DGKQ: variants seen among roughly 807,000 people sequenced by gnomAD.
DGKQ encodes diacylglycerol kinase theta.
In DGKQ, 97 loss-of-function variants were observed where a neutral mutation model predicts 104.2. The ratio of observed to expected loss-of-function variants is 0.93; its 90% CI spans 0.79 to 1.10. DGKQ has a LOEUF of 1.10. DGKQ is among the 50% of genes least tolerant of loss of function. The pLI is 0.00. For missense variants in DGKQ, 1,465 were observed against 1,352.1 expected, an observed-to-expected ratio of 1.08 and a Z score of -1.31; for synonymous variants, 736 against 595.2, an observed-to-expected ratio of 1.24 and a Z score of -3.44.
intron 10 of DGKQ, 57 bp from the exon 11 acceptor site, chr4:966,859 C>G: frequency 6.4e-7 from 1 of 1,574,662 alleles, no homozygotes. Context: ...CTCAGGACAC[C>G]CGCGGGGACA....
Position 966,493 on chromosome 4 carries a change from C to G in DGKQ, c.1401G>C (p.Leu467=). The G allele has an allele frequency of 6.2e-7, 1 of 1,612,626 alleles. No individual in the cohort carries two copies. The highest frequency in any genetic ancestry group is 1.1e-5 in the South Asian group (1 of 91,082). The change falls in exon 12 of 23, where the codon CTG becomes CTC. Residue 467 remains leucine, a synonymous_variant. Coordinates refer to ENST00000273814, the MANE Select transcript of DGKQ (RefSeq NM_001347.4). ...GCCGGATGTCCTGTAGCCGGTCCAG[C>G]AGGGGCTGTTCGTCCATCAGCATCG... ...QRTMLMDEQP[L]LDRLQDIRQM... is the part of the protein sequence containing the mutation.
chr4:962,593 G>A lies in DGKQ; in HGVS notation c.2056C>T (p.Leu686Phe), dbSNP rs1362147651. ...LGTGNDLGRV[L>F]RWGAGYSGED... Reference sequence around the variant, plus strand: ...CCGCTGTAGCCCGCCCCCCAGCGGAGGACTCGACCAAGGTCATTCCCTGGG... The same window carrying A: ...CCGCTGTAGCCCGCCCCCCAGCGGAAGACTCGACCAAGGTCATTCCCTGGG... Residue 686 changes from leucine to phenylalanine, a missense_variant, in exon 18 of 23, where the codon CTC (leucine) becomes TTC (phenylalanine). Transcript: ENST00000273814. 7 of 1,608,574 alleles carry A rather than the reference G, an allele frequency of 4.4e-6. No homozygotes were observed. Among genetic ancestry groups the A allele is most frequent in the South Asian group, 1.1e-5 (1 of 91,066 alleles).
Position 966,509 on chromosome 4 carries a change from A to C in DGKQ, c.1385T>G (p.Met462Arg). 1 of 1,612,502 alleles carries C rather than the reference A, an allele frequency of 6.2e-7. No homozygotes were observed. The highest frequency in any genetic ancestry group is 1.3e-5 in the African/African-American group (1 of 75,052). ...GCRHVQRTML[M>R]DEQPLLDRLQ... is the part of the protein sequence containing the mutation. ...CCGGTCCAGCAGGGGCTGTTCGTCC[A>C]TCAGCATCGTCCGCTGGACTGCAGA... The change falls in exon 12 of 23, where the codon ATG (methionine) becomes AGG (arginine). Residue 462 changes from methionine (M) to arginine (R), a missense_variant. By Grantham distance (91) the Met-to-Arg change is moderately conservative. Coordinates refer to ENST00000273814, the MANE Select transcript of DGKQ (RefSeq NM_001347.4).
chr4:966,303 T>A, intron 12 of DGKQ, 163 bp downstream of exon 12: 1 of 875,858 alleles, frequency 1.1e-6, no homozygotes. Flanking sequence ...GAGGCCTCCC[T>A]GCAGGGACCA....
rs1298355941 is a variant in DGKQ at position 973,325 on chromosome 4, G to A, written c.158C>T (p.Pro53Leu). 4.9e-6 allele frequency: 7 copies of A among 1,442,076 alleles called. No individual in the cohort carries two copies. Among genetic ancestry groups the A allele is most frequent in the East Asian group, 3.1e-5 (1 of 32,224 alleles). The allele number at this position is 1,442,076 out of a possible 1,614,324, so 89.3% of individuals were successfully genotyped here. The change falls in exon 1 of 23, where the codon CCG becomes CTG. Residue 53 changes from proline (P) to leucine (L), a missense_variant. Physicochemically the swap from Pro to Leu is moderately conservative, Grantham distance 98. Coordinates refer to ENST00000273814, the MANE Select transcript of DGKQ (RefSeq NM_001347.4). ...GTGTCCCGGCGCGGCAGCGGGGCCC[G>A]GGGCTCTGACGCCCGCCCGCTCGGG... ...PGPERAGVRA[P>L]GPAAAPGHSF...
Position 967,212 on chromosome 4 carries a change from G to A in DGKQ, c.1137C>T (p.Ser379=), listed in dbSNP as rs372658657. The A allele has an allele frequency of 1.1e-5, 17 of 1,584,658 alleles. No individual in the cohort carries two copies. Among genetic ancestry groups the A allele is most frequent in the Middle Eastern group, 3.3e-4 (2 of 6,038 alleles). The change falls in exon 9 of 23, where the codon TCC becomes TCT. Residue 379 remains serine, a synonymous_variant. Transcript: ENST00000273814. ...VISEEGRSPG[S]GEATPEAWVI... is the part of the protein sequence containing the mutation. Reference sequence around the variant, plus strand: ...CCCAGGCCTCTGGCGTGGCCTCGCCGGACCCGGGGCTTCTGCCCTCCTCCG... The same window carrying A: ...CCCAGGCCTCTGGCGTGGCCTCGCCAGACCCGGGGCTTCTGCCCTCCTCCG...
chr4:961,662 C>T, intron 20 of DGKQ, 26 bp downstream of exon 20: 2 of 1,611,918 alleles, frequency 1.2e-6, no homozygotes, highest in East Asian at 2.2e-5. Context: ...CGGGCAGAGC[C>T]TCTGGGGAGC....
Position 960,454 on chromosome 4 carries a change from A to C in DGKQ, c.*166T>G. ...ACCAACATGTGTCACCAATGGGATG[A>C]GGGCGGGTCCCGCTCCGTCACTGGG... On this transcript the variant is annotated 3_prime_UTR_variant, in exon 23 of 23. Transcript: ENST00000273814. 1.6e-6 allele frequency: 1 copy of C among 626,360 alleles called. No homozygotes were observed. Among genetic ancestry groups the C allele is most frequent in the Non-Finnish European group, 2.8e-6 (1 of 352,348 alleles). 38.8% of individuals were successfully genotyped at this position (626,360 alleles called of 1,614,324 possible).
chr4:966,861 G>T, intron 10 of DGKQ, 59 bp from the exon 11 acceptor site: 7 of 1,571,380 alleles, frequency 4.5e-6, no homozygotes, highest in East Asian at 2.3e-5. Context: ...CAGGACACCC[G>T]CGGGGACAGC....
chr4:961,604 A>G (rs941946400), intron 20 of DGKQ, 26 bp from the exon 21 acceptor site: 1 of 1,609,898 alleles, frequency 6.2e-7, no homozygotes, highest in African/African-American at 1.3e-5. Flanking sequence ...GCGGGCACAG[A>G]GGTGTAGGTG....
chr4:964,545 C>T (rs1009414811), intron 15 of DGKQ, among the ~76,000 whole-genome samples: 2 of 152,110 alleles, frequency 1.3e-5, no homozygotes, highest in African/African-American at 4.8e-5. Context: ...CCCCCCGGCC[C>T]TGCCCTGTCT....
At chr4:966,225 C>T in intron 12 of DGKQ, 147 bp from the exon 13 acceptor site, 1 of 959,546 alleles carries the variant, frequency 1.0e-6, no homozygotes, top group Non-Finnish European at 1.5e-6. Context: ...AAAGGGGCCA[C>T]AGAGGCTTCC....
rs1560510109 is a variant in DGKQ at position 961,192 on chromosome 4, G to GGACC, written c.2580_2583dup (p.Gln862GlyfsTer49). ...CGGATTCCGGAGCGCAGCCCACCCTGGACCTGGCCCTGGGGCGGGAGAGGC... is the reference window on the plus strand; with the variant it reads ...CGGATTCCGGAGCGCAGCCCACCCTGGACCGACCTGGCCCTGGGGCGGGAGAGGC... On this transcript the variant is annotated frameshift_variant, in exon 22 of 23. Coordinates refer to ENST00000273814, the MANE Select transcript of DGKQ (RefSeq NM_001347.4). LOFTEE classifies it high-confidence loss of function. 1 of 1,565,434 alleles carries GGACC rather than the reference G, an allele frequency of 6.4e-7. No homozygotes were observed. Among genetic ancestry groups the GGACC allele is most frequent in the Non-Finnish European group, 8.6e-7 (1 of 1,156,682 alleles).
Position 961,643 on chromosome 4 carries a change from T to A in DGKQ, c.2462+45A>T, listed in dbSNP as rs536990722. 8.7e-6 allele frequency: 14 copies of A among 1,610,838 alleles called. No homozygotes were observed. The East Asian group carries it at 2.7e-4, about 31-fold the overall frequency. On this transcript the variant is annotated intron_variant, in intron 20 of 22. Coordinates refer to ENST00000273814, the MANE Select transcript of DGKQ (RefSeq NM_001347.4). ...GCAGGACGAGGGCTGAGCCTGCCCA[T>A]GGCCCCGCCGGGCAGAGCCTCTGGG... is the stretch of plus-strand genomic sequence containing the variant.
intron 14 of DGKQ, 71 bp downstream of exon 14, chr4:965,420 C>A: frequency 6.4e-7 from 1 of 1,562,164 alleles, no homozygotes; most frequent in Non-Finnish European, 8.7e-7. Flanking sequence ...TACGTGAGGG[C>A]CAGGGCTGTC....
intron 21 of DGKQ, 115 bp from the exon 22 acceptor site, chr4:961,316 T>C: frequency 2.4e-6 from 3 of 1,251,642 alleles, no homozygotes; most frequent in Non-Finnish European, 2.1e-6. Flanking sequence ...ACCCTGGACC[T>C]GGCCCTGGGG....
At position 967,668 on chromosome 4, in the gene DGKQ, G is replaced by C. The variant is rs1018247402; in HGVS notation, c.887-19C>G. 1.2e-6 allele frequency: 2 copies of C among 1,612,396 alleles called. No individual in the cohort carries two copies. Among genetic ancestry groups the C allele is most frequent in the Non-Finnish European group, 1.7e-6 (2 of 1,179,760 alleles). On this transcript the variant is annotated intron_variant, in intron 7 of 22. Transcript: ENST00000273814. ...TGCTTCCCTGGGCCGGGTAAGCTCC[G>C]TGAGTCCCGGGCGCCCGGGGGACCT...
chr4:973,545 A>G lies in DGKQ; in HGVS notation c.-63T>C, dbSNP rs541545137. The stretch of plus-strand genomic sequence containing the variant: ...CCGGGGGTACAGGAGCCGCCGCTCC[A>G]CGGCCCGGTACACTGCTTCCGACTG... On this transcript the variant is annotated 5_prime_UTR_variant, in exon 1 of 23. Coordinates refer to ENST00000273814, the MANE Select transcript of DGKQ (RefSeq NM_001347.4). 3 of 979,548 alleles carry G rather than the reference A, an allele frequency of 3.1e-6. No homozygotes were observed. Among genetic ancestry groups the G allele is most frequent in the East Asian group, 1.2e-4 (1 of 8,504 alleles). The allele number at this position is 979,548 out of a possible 1,614,324, so 60.7% of individuals were successfully genotyped here. A position where few individuals can be genotyped will look rare whatever the true frequency, so the allele number is the denominator to read the frequency against.
intron 18 of DGKQ, 130 bp downstream of exon 18, chr4:962,305 C>T (rs982393372): frequency 9.5e-7 from 1 of 1,056,516 alleles, no homozygotes. Flanking sequence ...CCTCAACTGC[C>T]CGCTTTGCAG....
Sources: allele counts gnomAD v4.1 joint callset (sites outside exome capture counted in the v4.1 genomes callset), GRCh38; gene constraint gnomAD v4.1.1; transcripts MANE v1.5; gene names NCBI Gene and HGNC (gene_info 2026-07-23, HGNC 2026-07-21).